Variants in NEB observed in about 807,000 individuals in gnomAD.
NEB encodes the protein nebulin.
A neutral mutation model predicts 952.2 loss-of-function variants in NEB; 512 were observed. The observed-to-expected ratio is 0.54, with a 90% CI of 0.50 to 0.58. The LOEUF (loss-of-function observed/expected upper bound fraction) is 0.58, where lower values mean the gene tolerates loss of function less well. Among genes scored for constraint, NEB ranks in the 20% least tolerant of loss-of-function variants. The pLI is 0.00. For missense variants in NEB, 8,428 were observed against 9,231.1 expected, an observed-to-expected ratio of 0.91 and a Z score of 3.56; for synonymous variants, 2,900 against 3,149.8, an observed-to-expected ratio of 0.92 and a Z score of 2.66.
chr2:151,515,810 T>TATCA (rs1349344222), intron 157 of NEB, among the ~76,000 whole-genome samples: 1 of 152,254 alleles, frequency 6.6e-6, no homozygotes, highest in African/African-American at 2.4e-5. Context: ...CCTGACATTC[T>TATCA]ATCACCAGAA....
At chr2:151,671,405 T>G in intron 37 of NEB, 176 bp from the exon 38 acceptor site, 1 of 604,880 alleles carries the variant, frequency 1.7e-6, no homozygotes, top group Non-Finnish European at 2.9e-6. Context: ...GTTCTGTTGT[T>G]AGAGTGCATT....
chr2:151,619,046 T>C (rs1215080787), intron 73 of NEB, among the ~76,000 whole-genome samples: 1 of 152,234 alleles, frequency 6.6e-6, no homozygotes, highest in Non-Finnish European at 1.5e-5. Flanking sequence ...CATCAGTAAG[T>C]ATAAAATGTA....
chr2:151,684,907 G>A lies in NEB; in HGVS notation c.2706C>T (p.Val902=), dbSNP rs1159722991. 2 of 1,613,156 alleles carry A rather than the reference G, an allele frequency of 1.2e-6. No homozygotes were observed. The highest frequency in any genetic ancestry group is 1.3e-5 in the African/African-American group (1 of 74,918). The part of the protein sequence containing the change: ...IYTAPLDMLQ[V]TQAKKSQAIA... ...TTGCCTGAGATTTCTTAGCTTGAGT[G>A]ACTTGGAGCATATCAAGAGGTGCCG... Residue 902 remains valine (V), a synonymous_variant, in exon 28 of 182, where the codon GTC becomes GTT. Coordinates refer to ENST00000397345, the MANE Select transcript of NEB (RefSeq NM_001164508.2).
At chr2:151,542,050 C>A (rs1394460791) in intron 135 of NEB, among the ~76,000 whole-genome samples, 2 of 152,172 alleles carry the variant, frequency 1.3e-5, no homozygotes, top group African/African-American at 2.4e-5. Flanking sequence ...TCCCACCTAC[C>A]CACATCAGTG....
chr2:151,675,091 T>G (rs1200524762), intron 35 of NEB, among the ~76,000 whole-genome samples, 196 bp downstream of exon 35: 1 of 152,180 alleles, frequency 6.6e-6, no homozygotes, highest in Non-Finnish European at 1.5e-5. Flanking sequence ...TAGAGAAGAA[T>G]GTTATGTCCT....
rs554776846 is a variant in NEB, at chr2:151,710,757, G to A, written c.823-219C>T. Among the ~76,000 whole-genome samples, 5 of 152,186 alleles carry A rather than the reference G, an allele frequency of 3.3e-5. No individual in the cohort carries two copies. In the South Asian group the frequency reaches 6.2e-4, roughly 19 times the overall value. On this transcript the variant is annotated intron_variant, in intron 10 of 181. Transcript: ENST00000397345. Reference sequence around the variant, plus strand: ...GAGAATGGAGAAAGAGGGTACTAACGCCCCCTCCCCTTGCTGAGTTTGGGG... The same window carrying A: ...GAGAATGGAGAAAGAGGGTACTAACACCCCCTCCCCTTGCTGAGTTTGGGG...
At chr2:151,567,082 C>G in intron 114 of NEB, 86 bp downstream of exon 114, 2 of 1,215,272 alleles carry the variant, frequency 1.6e-6, no homozygotes, top group African/African-American at 1.5e-5. Flanking sequence ...CCTCAAATTT[C>G]AAGCACTTGT....
intron 51 of NEB, among the ~76,000 whole-genome samples, chr2:151,654,581 T>C (rs1028038583): frequency 1.3e-5 from 2 of 152,218 alleles, no homozygotes; most frequent in African/African-American, 2.4e-5. Flanking sequence ...ACTGATTGAA[T>C]GGATGTATGT....
At chr2:151,553,622 T>G (rs1028943850) in intron 126 of NEB, 120 bp from the exon 127 acceptor site, 1 of 861,560 alleles carries the variant, frequency 1.2e-6, no homozygotes, top group East Asian at 2.6e-5. Context: ...AAAGGCATTA[T>G]GCAAAGAGGC....
At chr2:151,648,280 T>G (rs531888998) in intron 54 of NEB, among the ~76,000 whole-genome samples, 1 of 152,184 alleles carries the variant, frequency 6.6e-6, no homozygotes, top group Non-Finnish European at 1.5e-5. Context: ...TGTGTGTGTC[T>G]GGCACTTTTC....
chr2:151,724,126 T>C, intron 8 of NEB, 134 bp downstream of exon 8: 2 of 717,608 alleles, frequency 2.8e-6, no homozygotes, highest in Non-Finnish European at 4.7e-6. Flanking sequence ...CCCTGCAGTC[T>C]CACATGTCTC....
rs753647278 is a variant in NEB at position 151,644,565 on chromosome 2, C to T, written c.7547G>A (p.Arg2516Gln). ...TCTCTTCAGCTCCTCATAACCCATT[C>T]GGTAGAGTTTCTGTTAAGAAATGAA... ...NLINTSDKLY[R>Q]MGYEELKRKG... Residue 2516 changes from arginine (R) to glutamine (Q), a missense_variant, in exon 56 of 182, where the codon CGA becomes CAA. Around this residue, in one of 11 missense-constraint regions of NEB, gnomAD observed 1,772 missense variants for 1,960.3 expected, o/e 0.90. Transcript: ENST00000397345. 3.3e-5 allele frequency: 53 copies of T among 1,612,618 alleles called. No individual in the cohort carries two copies. Among genetic ancestry groups the T allele is most frequent in the Middle Eastern group, 1.6e-4 (1 of 6,078 alleles).
At chr2:151,511,237 T>C (rs942184403) in intron 161 of NEB, among the ~76,000 whole-genome samples, 59 of 152,344 alleles carry the variant, frequency 3.9e-4, no homozygotes, top group African/African-American at 1.4e-3. Flanking sequence ...TTGGAGCCCA[T>C]ATCATTTTGG....
intron 48 of NEB, 103 bp from the exon 49 acceptor site, chr2:151,656,567 T>A: frequency 1.6e-6 from 1 of 607,960 alleles, no homozygotes; most frequent in Non-Finnish European, 2.3e-6. Flanking sequence ...AAAATATAAT[T>A]AAAAATTATA....
chr2:151,518,428 G>A lies in NEB; in HGVS notation c.22696-6C>T. ...TACTTCTTCTTGTACTGGTACTGAG[G>A]GGAAGGCGGCAAAAAAGGCACATTG... On this transcript the variant is annotated splice_region_variant and splice_polypyrimidine_tract_variant and intron_variant, in intron 155 of 181. Transcript: ENST00000397345. The A allele has an allele frequency of 1.3e-6, 2 of 1,566,670 alleles. No individual in the cohort carries two copies. Among genetic ancestry groups the A allele is most frequent in the Non-Finnish European group, 1.8e-6 (2 of 1,140,120 alleles).
Position 151,502,097 on chromosome 2 carries a change from T to C in NEB, c.23929-614A>G, listed in dbSNP as rs116010361. Among the ~76,000 whole-genome samples the C allele has an allele frequency of 7.3e-3, 1,118 of 152,300 alleles. 18 individuals carry two copies. The highest frequency in any genetic ancestry group is 0.026 in the African/African-American group (1,072 of 41,566). On this transcript the variant is annotated intron_variant, in intron 167 of 181. Transcript: ENST00000397345. ...CCTCTAATGAGATTGGAGACTAGTATTGTAAGTGAAGTAACTCAGGAATGG... is the reference window on the plus strand; with the variant it reads ...CCTCTAATGAGATTGGAGACTAGTACTGTAAGTGAAGTAACTCAGGAATGG...
At position 151,576,512 on chromosome 2, in the gene NEB, ATATATTTTTTTTTTTTTTTTTTTT is replaced by A. The variant is rs1310514223; in HGVS notation, c.16705-182_16705-159del. ...TATATATATATATATATATATATATATATATTTTTTTTTTTTTTTTTTTTTTTTTTTTTTTTTGAGACAGAGTCT... is the reference window on the plus strand; with the variant it reads ...TATATATATATATATATATATATATATTTTTTTTTTTTTGAGACAGAGTCT... On this transcript the variant is annotated intron_variant, in intron 105 of 181. Coordinates refer to ENST00000397345, the MANE Select transcript of NEB (RefSeq NM_001164508.2). 4.1e-4 allele frequency among the ~76,000 whole-genome samples: 12 copies of A among 28,930 alleles called. No individual in the cohort carries two copies. In the East Asian group the frequency reaches 0.019, roughly 46 times the overall value. The allele number at this position is 28,930 out of a possible 152,430, so 19.0% of individuals were successfully genotyped here.
intron 173 of NEB, among the ~76,000 whole-genome samples, chr2:151,495,725 A>G (rs1365188307): frequency 1.7e-5 from 2 of 116,972 alleles, no homozygotes; most frequent in African/African-American, 3.1e-5. Flanking sequence ...CATTCTGGTG[A>G]CACTTTCATT....
chr2:151,490,805 C>T (rs908870764), intron 179 of NEB, among the ~76,000 whole-genome samples: 1 of 152,206 alleles, frequency 6.6e-6, no homozygotes, highest in Non-Finnish European at 1.5e-5. Context: ...GCCAATTTTC[C>T]TGGCTCACCA....
Sources: allele counts gnomAD v4.1 joint callset (sites outside exome capture counted in the v4.1 genomes callset), GRCh38; gene constraint gnomAD v4.1.1; regional missense constraint gnomAD v4.1.1; transcripts MANE v1.5; gene names NCBI Gene and HGNC (gene_info 2026-07-23, HGNC 2026-07-21).